The following ATP8A2 variants were observed in gnomAD, a reference collection of about 807,000 sequenced individuals.
The protein encoded by ATP8A2 is phospholipid-transporting ATPase IB.
ATP8A2 carries 100 observed loss-of-function variants against 165.6 expected under a neutral mutation model. The ratio of observed to expected loss-of-function variants is 0.60; its 90% CI spans 0.51 to 0.71. The LOEUF (loss-of-function observed/expected upper bound fraction) is 0.71, where lower values mean the gene tolerates loss of function less well. Ranked by LOEUF, ATP8A2 falls within the 30% of genes least tolerant of loss-of-function variation. ATP8A2 has a pLI of 0.00. For synonymous variants in ATP8A2, 543 were observed against 548.8 expected (o/e 0.99, Z 0.15); for missense variants, 1,227 against 1,479.5 (o/e 0.83, Z 2.80).
At chr13:25,830,912 C>T (rs1414893105) in intron 28 of ATP8A2, among the ~76,000 whole-genome samples, 4 of 152,178 alleles carry the variant, frequency 2.6e-5, no homozygotes, top group African/African-American at 9.6e-5. Context: ...AAATCTGAAA[C>T]ATTTAACATG....
rs577838468 is a variant in ATP8A2 at position 25,451,915 on chromosome 13, C to T, written c.77-17062C>T. 7.3e-5 allele frequency among the ~76,000 whole-genome samples: 11 copies of T among 150,240 alleles called. No homozygotes were observed. In the East Asian group the frequency reaches 1.8e-3, roughly 24 times the overall value. On this transcript the variant is annotated intron_variant, in intron 1 of 36. Transcript: ENST00000381655. ...TTTTGCCCAGGCTGGAGTGCAGTGG[C>T]GTGATCTCGGCTCACTGTGACCTCC...
chr13:25,556,328 C>T (rs2038979442), intron 13 of ATP8A2, among the ~76,000 whole-genome samples: 1 of 152,096 alleles, frequency 6.6e-6, no homozygotes, highest in South Asian at 2.1e-4. Flanking sequence ...GAGATGGTAT[C>T]TCATTGTGGT....
intron 24 of ATP8A2, among the ~76,000 whole-genome samples, chr13:25,594,054 C>T (rs1487603458): frequency 1.3e-5 from 2 of 152,036 alleles, no homozygotes; most frequent in African/African-American, 2.4e-5. Flanking sequence ...TAAACTTTGT[C>T]CTAAATGTAT....
At chr13:25,866,525 A>G (rs933271573) in intron 33 of ATP8A2, among the ~76,000 whole-genome samples, 15 of 152,202 alleles carry the variant, frequency 9.9e-5, no homozygotes, top group African/African-American at 3.4e-4. Context: ...AGTAAGGTCT[A>G]TTGACCACCT....
At chr13:25,613,575 A>C (rs564656824) in intron 24 of ATP8A2, among the ~76,000 whole-genome samples, 3 of 152,344 alleles carry the variant, frequency 2.0e-5, no homozygotes, top group African/African-American at 7.2e-5. Flanking sequence ...TCCATCTCAA[A>C]AAAACAAAAC....
intron 1 of ATP8A2, chr13:25,468,718 C>G: frequency 1.8e-6 from 1 of 546,602 alleles, no homozygotes; most frequent in African/African-American, 2.0e-5. Context: ...GGCGGCTCTC[C>G]CGGGGCGGGG....
intron 24 of ATP8A2, among the ~76,000 whole-genome samples, chr13:25,628,354 G>A (rs1294215173): frequency 2.6e-5 from 4 of 152,130 alleles, no homozygotes; most frequent in African/African-American, 9.7e-5. Context: ...CCTGCTGTAT[G>A]TCCTGATTGT....
At chr13:25,438,918 G>A (rs2034854033) in intron 1 of ATP8A2, among the ~76,000 whole-genome samples, 1 of 152,174 alleles carries the variant, frequency 6.6e-6, no homozygotes, top group South Asian at 2.1e-4. Flanking sequence ...GTAAAGGACA[G>A]GAAGACAAAA....
At chr13:26,014,462 A>G (rs1956920761) in intron 36 of ATP8A2, among the ~76,000 whole-genome samples, 1 of 152,206 alleles carries the variant, frequency 6.6e-6, no homozygotes, top group Admixed American at 6.5e-5. Context: ...GGGGTAAGGA[A>G]GCAATCAAGA....
At chr13:25,580,001 T>G in intron 22 of ATP8A2, 54 bp downstream of exon 22, 1 of 1,596,058 alleles carries the variant, frequency 6.3e-7, no homozygotes, top group Non-Finnish European at 8.6e-7. Context: ...AACCACCTAT[T>G]TCACAAAGTA....
At chr13:25,530,529 C>T in intron 3 of ATP8A2, 33 bp from the exon 4 acceptor site, 1 of 1,313,970 alleles carries the variant, frequency 7.6e-7, no homozygotes, top group Non-Finnish European at 1.1e-6. Flanking sequence ...TTTTAATGTG[C>T]CAACTTCCTA....
chr13:25,872,506 C>G (rs1266756709), intron 33 of ATP8A2, among the ~76,000 whole-genome samples: 1 of 152,142 alleles, frequency 6.6e-6, no homozygotes, highest in Non-Finnish European at 1.5e-5. Context: ...ATGCATCTAC[C>G]AAGTTGGAGT....
intron 1 of ATP8A2, among the ~76,000 whole-genome samples, chr13:25,442,579 A>C (rs1356412973): frequency 6.6e-6 from 1 of 152,192 alleles, no homozygotes; most frequent in Non-Finnish European, 1.5e-5. Flanking sequence ...GTACCTGCCT[A>C]ATTAAAATAA....
At chr13:25,438,812 C>G (rs748139406) in intron 1 of ATP8A2, among the ~76,000 whole-genome samples, 1 of 151,960 alleles carries the variant, frequency 6.6e-6, no homozygotes, top group Non-Finnish European at 1.5e-5. Flanking sequence ...CACTTTAGAC[C>G]TTTTTATGGA....
chr13:25,908,249 G>A (rs528640685), intron 33 of ATP8A2, among the ~76,000 whole-genome samples: 48 of 152,200 alleles, frequency 3.2e-4, no homozygotes, highest in South Asian at 1.2e-3. Context: ...AGTAGTTACC[G>A]TAAGTCAGCA....
At chr13:25,415,896 G>A (rs1285824383) in intron 1 of ATP8A2, among the ~76,000 whole-genome samples, 1 of 151,968 alleles carries the variant, frequency 6.6e-6, no homozygotes, top group Non-Finnish European at 1.5e-5. Context: ...GAGGCCAATT[G>A]TAGCTCCCTG....
intron 28 of ATP8A2, among the ~76,000 whole-genome samples, chr13:25,836,885 C>A (rs887457948): frequency 6.6e-6 from 1 of 152,286 alleles, no homozygotes; most frequent in East Asian, 1.9e-4. Context: ...CATCAGTCTT[C>A]GTTTTACAAA....
At chr13:25,696,517 C>T (rs1334661431) in intron 24 of ATP8A2, among the ~76,000 whole-genome samples, 2 of 152,200 alleles carry the variant, frequency 1.3e-5, no homozygotes, top group Admixed American at 6.5e-5. Flanking sequence ...GACCTTCTGG[C>T]GAACTTGCTG....
At position 25,431,508 on chromosome 13, in the gene ATP8A2, G is replaced by GT. The variant is rs1165140342; in HGVS notation, c.77-37469_77-37468insT. On this transcript the variant is annotated intron_variant, in intron 1 of 36. Coordinates refer to ENST00000381655, the MANE Select transcript of ATP8A2 (RefSeq NM_016529.6). ...GTAACTTTTACTTCGGCGGCGGGGG[G>GT]GGAATCTCATACAATTATGATGGAA... is the stretch of plus-strand genomic sequence containing the variant. 3.3e-5 allele frequency among the ~76,000 whole-genome samples: 5 copies of GT among 151,970 alleles called. No individual in the cohort carries two copies. In the South Asian group the frequency reaches 6.3e-4, roughly 19 times the overall value.
Sources: gnomAD v4.1 joint callset for allele counts (sites outside exome capture counted in the v4.1 genomes callset) on GRCh38, gnomAD v4.1.1 for gene constraint, MANE v1.5 for transcripts, NCBI Gene and HGNC (gene_info 2026-07-23, HGNC 2026-07-21) for gene names.